SEMA5B: variants seen among roughly 807,000 people sequenced by gnomAD.
SEMA5B encodes the protein semaphorin 5B, also known as semaphorin-5B.
Under a neutral mutation model 135.0 loss-of-function variants are expected in SEMA5B, and 66 were observed. The ratio of observed to expected loss-of-function variants is 0.49; its 90% CI spans 0.40 to 0.60. SEMA5B has a LOEUF of 0.60. Ranked by LOEUF, SEMA5B falls within the 20% of genes least tolerant of loss-of-function variation. The pLI is 0.00. For missense variants in SEMA5B, 1,501 were observed against 1,566.3 expected, an observed-to-expected ratio of 0.96 and a Z score of 0.70; for synonymous variants, 690 against 639.5, an observed-to-expected ratio of 1.08 and a Z score of -1.19.
At chr3:122,994,116 C>A (rs996449682) in intron 1 of SEMA5B, among the ~76,000 whole-genome samples, 43 of 152,028 alleles carry the variant, frequency 2.8e-4, no homozygotes, top group African/African-American at 1.0e-3. Flanking sequence ...CCACTACAGC[C>A]CGACTTCCTC....
intron 2 of SEMA5B, among the ~76,000 whole-genome samples, chr3:122,955,934 A>AG (rs1460760158): frequency 6.6e-6 from 1 of 152,134 alleles, no homozygotes; most frequent in East Asian, 1.9e-4. Context: ...AGCGGGGAGG[A>AG]GGGAGGTTCA....
Position 122,922,284 on chromosome 3 carries a change from A to G in SEMA5B, c.1436T>C (p.Val479Ala), listed in dbSNP as rs1308214069. 4 of 1,614,062 alleles carry G rather than the reference A, an allele frequency of 2.5e-6. No individual in the cohort carries two copies. Among genetic ancestry groups the G allele is most frequent in the South Asian group, 1.1e-5 (1 of 91,054 alleles). Residue 479 changes from valine to alanine, a missense_variant, in exon 11 of 23, where the codon GTG (valine) becomes GCG (alanine). Val to Ala is a moderately conservative substitution (Grantham distance 64). Coordinates refer to ENST00000357599, the MANE Select transcript of SEMA5B (RefSeq NM_001031702.4). ...ATGGTAGAGCGTGTCTTTAGCCTGC[A>G]CCAGGTCCACCACGAGGTGTGAGAA... ...VRFSHLVVDL[V>A]QAKDTLYHVL...
Position 122,944,047 on chromosome 3 carries a change from G to C in SEMA5B, c.329-512C>G, listed in dbSNP as rs185418100. On this transcript the variant is annotated intron_variant, in intron 3 of 22. Coordinates refer to ENST00000357599, the MANE Select transcript of SEMA5B (RefSeq NM_001031702.4). ...TGTTCTCAAATGCAAATGTGGTCAT[G>C]TCACTCTCCAGCCCAGAACCCATCC... Among the ~76,000 whole-genome samples the C allele has an allele frequency of 1.9e-4, 29 of 152,216 alleles. No individual in the cohort carries two copies. The East Asian group carries it at 1.9e-3, about 10-fold the overall frequency.
chr3:122,995,444 A>G (rs1057371357), intron 1 of SEMA5B, among the ~76,000 whole-genome samples: 1 of 152,190 alleles, frequency 6.6e-6, no homozygotes, highest in Non-Finnish European at 1.5e-5. Context: ...ACCCTGCCAC[A>G]CTAGAGACAG....
At chr3:123,015,114 ATCT>A (rs1389529039) in intron 1 of SEMA5B, among the ~76,000 whole-genome samples, 6 of 152,240 alleles carry the variant, frequency 3.9e-5, no homozygotes, top group Admixed American at 2.6e-4. Flanking sequence ...CACGGAGCAG[ATCT>A]TCTGTCATAT....
At chr3:122,955,723 T>TG (rs1315409942) in intron 2 of SEMA5B, among the ~76,000 whole-genome samples, 1 of 152,238 alleles carries the variant, frequency 6.6e-6, no homozygotes, top group African/African-American at 2.4e-5. Context: ...AATAGCTTCT[T>TG]GCTTAGAGAG....
intron 1 of SEMA5B, among the ~76,000 whole-genome samples, chr3:122,987,851 T>C (rs1941749803): frequency 6.6e-6 from 1 of 152,314 alleles, no homozygotes; most frequent in East Asian, 1.9e-4. Context: ...GAAATTTATT[T>C]TTTTTTTCAA....
At chr3:123,016,677 C>A (rs1027754637) in intron 1 of SEMA5B, among the ~76,000 whole-genome samples, 2 of 152,138 alleles carry the variant, frequency 1.3e-5, no homozygotes, top group African/African-American at 4.8e-5. Flanking sequence ...TGGGCTCAAG[C>A]AATCCTCCTG....
At chr3:122,944,238 C>T (rs1939688693) in intron 3 of SEMA5B, among the ~76,000 whole-genome samples, 1 of 152,204 alleles carries the variant, frequency 6.6e-6, no homozygotes, top group Non-Finnish European at 1.5e-5. Flanking sequence ...CCCAGCCACA[C>T]TAAAACACTT....
chr3:122,976,007 C>T, intron 1 of SEMA5B: 1 of 1,535,070 alleles, frequency 6.5e-7, no homozygotes, highest in Non-Finnish European at 8.7e-7. Context: ...CACCTCGATC[C>T]CTTCGCTTCT....
chr3:122,917,346 C>T (rs1031027833), intron 12 of SEMA5B, among the ~76,000 whole-genome samples: 3 of 152,196 alleles, frequency 2.0e-5, no homozygotes, highest in Non-Finnish European at 4.4e-5. Context: ...GAGTTCACAA[C>T]ATTCTGTGAG....
chr3:122,911,844 A>C lies in SEMA5B; in HGVS notation c.3046+76T>G, dbSNP rs1937730963. On this transcript the variant is annotated intron_variant, in intron 20 of 22. Transcript: ENST00000357599. ...TGCCCCCTGCTCCCCACCAGGACAC[A>C]AGCTTCAGAAGGAGAAGGAAGTTGG... 4.7e-6 allele frequency: 7 copies of C among 1,481,554 alleles called. No individual in the cohort carries two copies. In the South Asian group the frequency reaches 9.5e-5, roughly 20 times the overall value. The allele number at this position is 1,481,554 out of a possible 1,614,324, so 91.8% of individuals were successfully genotyped here.
chr3:122,928,319 A>T (rs971555946), intron 7 of SEMA5B, among the ~76,000 whole-genome samples, 198 bp downstream of exon 7: 6 of 152,240 alleles, frequency 3.9e-5, no homozygotes, highest in Non-Finnish European at 8.8e-5. Context: ...AGTTTGTCCC[A>T]GACACTTCAT....
intron 17 of SEMA5B, 66 bp downstream of exon 17, chr3:122,913,133 C>T (rs1937844021): frequency 2.1e-6 from 3 of 1,423,390 alleles, no homozygotes; most frequent in Non-Finnish European, 2.7e-6. Context: ...CCCCGGGGCT[C>T]CCGCCCCCGC....
chr3:123,001,914 A>C (rs1232415356), intron 1 of SEMA5B, among the ~76,000 whole-genome samples: 1 of 152,224 alleles, frequency 6.6e-6, no homozygotes, highest in Non-Finnish European at 1.5e-5. Flanking sequence ...TGTAAAACAC[A>C]ATCCTTGCCC....
At chr3:122,945,584 G>C (rs1309957292) in intron 3 of SEMA5B, among the ~76,000 whole-genome samples, 1 of 152,022 alleles carries the variant, frequency 6.6e-6, no homozygotes, top group East Asian at 1.9e-4. Flanking sequence ...GTGTGTGTAG[G>C]GCAGGGTCTT....
Position 122,915,631 on chromosome 3 carries a change from C to T in SEMA5B, c.1807-10G>A, listed in dbSNP as rs769972372. 1 of 1,608,268 alleles carries T rather than the reference C, an allele frequency of 6.2e-7. No individual in the cohort carries two copies. Among genetic ancestry groups the T allele is most frequent in the Non-Finnish European group, 8.5e-7 (1 of 1,175,902 alleles). ...GTGTCACATTCCGCACCTGAAGACA[C>T]ACATGGGAGACAGTACCCCTATTAC... is the stretch of plus-strand genomic sequence containing the variant. On this transcript the variant is annotated splice_polypyrimidine_tract_variant and intron_variant, in intron 13 of 22. Transcript: ENST00000357599.
intron 1 of SEMA5B, among the ~76,000 whole-genome samples, chr3:122,969,570 A>G (rs1222559650): frequency 6.6e-6 from 1 of 152,102 alleles, no homozygotes; most frequent in East Asian, 1.9e-4. Context: ...AGTGTCTCCA[A>G]TGAGAGCTCC....
Position 122,915,794 on chromosome 3 carries a change from G to C in SEMA5B, c.1785C>G (p.Thr595=), listed in dbSNP as rs1352825077. 4.3e-6 allele frequency: 7 copies of C among 1,613,948 alleles called. No individual in the cohort carries two copies. The highest frequency in any genetic ancestry group is 5.9e-6 in the Non-Finnish European group (7 of 1,179,976). ...LEDSSNMSLW[T]QNITACPVRN... ...TCACAGGACAGGCGGTGATGTTCTG[G>C]GTCCAGAGGCTCATGTTGGAGCTGT... The change falls in exon 13 of 23, where the codon ACC becomes ACG. Residue 595 remains threonine (T), a synonymous_variant. Transcript: ENST00000357599.
Sources: allele counts gnomAD v4.1 joint callset (sites outside exome capture counted in the v4.1 genomes callset), GRCh38; gene constraint gnomAD v4.1.1; transcripts MANE v1.5; gene names NCBI Gene and HGNC (gene_info 2026-07-23, HGNC 2026-07-21).